AGPAT4: variants seen among roughly 807,000 people sequenced by gnomAD.
AGPAT4 encodes 1-acyl-sn-glycerol-3-phosphate acyltransferase delta.
Under a neutral mutation model 48.0 loss-of-function variants are expected in AGPAT4, and 15 were observed. The ratio of observed to expected loss-of-function variants is 0.31; its 90% confidence interval spans 0.21 to 0.48. AGPAT4 has a LOEUF of 0.48. AGPAT4 is among the 20% of genes least tolerant of loss of function. The probability of loss-of-function intolerance (pLI) is 0.99; values close to 1 mark genes in which losing one functional copy is unlikely to be tolerated. For missense variants in AGPAT4, 314 were observed against 482.5 expected, an observed-to-expected ratio of 0.65 and a Z score of 3.27; for synonymous variants, 178 against 198.7, an observed-to-expected ratio of 0.90 and a Z score of 0.88.
At position 161,226,264 on chromosome 6, in the gene AGPAT4, A is replaced by G. The variant is rs1781979786; in HGVS notation, c.178+5772T>C. Among the ~76,000 whole-genome samples, 1 of 152,192 alleles carries G rather than the reference A, an allele frequency of 6.6e-6. No homozygotes were observed. The highest frequency in any genetic ancestry group is 1.5e-5 in the Non-Finnish European group (1 of 68,032). ...ACATCTTGGAGCTGAGTAACTACCT[A>G]TCAGGACAAGTGAAGGAGTCAAAAC... On this transcript the variant is annotated intron_variant, in intron 2 of 8. Transcript: ENST00000320285. This position sits in a 1 kb window ranked among gnomAD's most constrained non-coding sequence, Gnocchi z 6.3.
At chr6:161,230,983 G>C (rs1782108776) in intron 2 of AGPAT4, among the ~76,000 whole-genome samples, 1 of 152,148 alleles carries the variant, frequency 6.6e-6, no homozygotes, top group African/African-American at 2.4e-5. Flanking sequence ...TAACAAATAA[G>C]ACTGGATAAG....
chr6:161,258,219 G>A (rs532596928), intron 1 of AGPAT4, among the ~76,000 whole-genome samples: 5 of 152,236 alleles, frequency 3.3e-5, no homozygotes, highest in African/African-American at 4.8e-5. Flanking sequence ...AAAACTCTAC[G>A]TCCATTGTCT....
Position 161,136,470 on chromosome 6 carries a change from C to G in AGPAT4, c.*70G>C. Reference sequence around the variant, plus strand: ...GCTCACCCAGCCTTTGTCACCGTGTCCCACTAAGGAGGATATGCAGAGGCC... The same window carrying G: ...GCTCACCCAGCCTTTGTCACCGTGTGCCACTAAGGAGGATATGCAGAGGCC... On this transcript the variant is annotated 3_prime_UTR_variant, in exon 9 of 9. Transcript: ENST00000320285. 1 of 1,401,200 alleles carries G rather than the reference C, an allele frequency of 7.1e-7. No individual in the cohort carries two copies. Among genetic ancestry groups the G allele is most frequent in the Non-Finnish European group, 1.0e-6 (1 of 992,442 alleles). 86.8% of individuals were successfully genotyped at this position (1,401,200 alleles called of 1,614,324 possible).
chr6:161,206,001 C>T lies in AGPAT4; in HGVS notation c.178+26035G>A, dbSNP rs549920899. Reference sequence around the variant, plus strand: ...AGAAGGCAGACCAGCTAGGGCACACCTCGGGATCTGAGGAACGACATGGTG... The same window carrying T: ...AGAAGGCAGACCAGCTAGGGCACACTTCGGGATCTGAGGAACGACATGGTG... On this transcript the variant is annotated intron_variant, in intron 2 of 8. Transcript: ENST00000320285. This position sits in a 1 kb window ranked among gnomAD's most constrained non-coding sequence, Gnocchi z 4.8. 2.4e-4 allele frequency among the ~76,000 whole-genome samples: 37 copies of T among 152,172 alleles called. No homozygotes were observed. The highest frequency in any genetic ancestry group is 8.5e-4 in the Admixed American group (13 of 15,278).
At position 161,192,225 on chromosome 6, in the gene AGPAT4, A is replaced by G. The variant is rs1467356151; in HGVS notation, c.179-25808T>C. The stretch of plus-strand genomic sequence containing the variant: ...GAGTGCAGTGGCACAATCTCAGCTC[A>G]CTGCAACCTCTGCCTCCCAGGTTTA... On this transcript the variant is annotated intron_variant, in intron 2 of 8. Coordinates refer to ENST00000320285, the MANE Select transcript of AGPAT4 (RefSeq NM_020133.3). 2.2e-5 allele frequency among the ~76,000 whole-genome samples: 3 copies of G among 134,544 alleles called. No individual in the cohort carries two copies. The Admixed American group carries it at 2.8e-4, about 12-fold the overall frequency. The allele number at this position is 134,544 out of a possible 152,430, so 88.3% of individuals were successfully genotyped here. A position where few individuals can be genotyped will look rare whatever the true frequency, so the allele number is the denominator to read the frequency against.
rs1173746304 is a variant in AGPAT4 at position 161,229,476 on chromosome 6, T to G, written c.178+2560A>C. Among the ~76,000 whole-genome samples the G allele has an allele frequency of 6.6e-6, 1 of 152,058 alleles. No individual in the cohort carries two copies. Among genetic ancestry groups the G allele is most frequent in the Non-Finnish European group, 1.5e-5 (1 of 68,004 alleles). ...TGGCCCAGCAAGGCTTCCTAAACAC[T>G]CTTTTTACATGGCCTTGGTTACTGT... On this transcript the variant is annotated intron_variant, in intron 2 of 8. Coordinates refer to ENST00000320285, the MANE Select transcript of AGPAT4 (RefSeq NM_020133.3). This position sits in a 1 kb window ranked among gnomAD's most constrained non-coding sequence, Gnocchi z 6.0.
At position 161,166,387 on chromosome 6, in the gene AGPAT4, C is replaced by T. The variant is rs200080197; in HGVS notation, c.209G>A (p.Gly70Asp). Residue 70 changes from glycine (G) to aspartate (D), a missense_variant, in exon 3 of 9, where the codon GGC (glycine) becomes GAC (aspartate). Coordinates refer to ENST00000320285, the MANE Select transcript of AGPAT4 (RefSeq NM_020133.3). The surrounding 1 kb of genome is among the most constrained non-coding windows in gnomAD (Gnocchi z 6.7). The part of the protein sequence containing the change: ...QLVMLLEWWS[G>D]TECTIFTDPR... Reference sequence around the variant, plus strand: ...GTCCGTGAAGATGGTGCATTCCGTGCCCGACCACCACTCCAGCAGCATCAC... The same window carrying T: ...GTCCGTGAAGATGGTGCATTCCGTGTCCGACCACCACTCCAGCAGCATCAC... The T allele has an allele frequency of 1.2e-6, 2 of 1,611,686 alleles. No homozygotes were observed. The highest frequency in any genetic ancestry group is 1.7e-6 in the Non-Finnish European group (2 of 1,178,730).
chr6:161,160,630 C>A (rs1396239818), intron 3 of AGPAT4: 1 of 222,558 alleles, frequency 4.5e-6, no homozygotes, highest in Non-Finnish European at 9.2e-6. Context: ...AGAAGAGGAC[C>A]GTGCAGGCTT....
At chr6:161,210,150 G>A (rs1321282561) in intron 2 of AGPAT4, among the ~76,000 whole-genome samples, 1 of 152,124 alleles carries the variant, frequency 6.6e-6, no homozygotes, top group Non-Finnish European at 1.5e-5. Context: ...AAGATAGGAA[G>A]TCCCTATCTA....
rs1396088108 is a variant in AGPAT4 at position 161,134,694 on chromosome 6, A to G, written c.*1846T>C. ...GACCCCTCCGAGAGACTGGCCCGAT[A>G]ATCCAGGCGCAGGTCCACTAGGGCG... On this transcript the variant is annotated 3_prime_UTR_variant, in exon 9 of 9. Coordinates refer to ENST00000320285, the MANE Select transcript of AGPAT4 (RefSeq NM_020133.3). 2 of 151,996 alleles carry G rather than the reference A, an allele frequency of 1.3e-5. No homozygotes were observed. Among genetic ancestry groups the G allele is most frequent in the African/African-American group, 2.4e-5 (1 of 41,376 alleles). The allele number at this position is 151,996 out of a possible 1,614,324, so 9.4% of individuals were successfully genotyped here. A position where few individuals can be genotyped will look rare whatever the true frequency, so the allele number is the denominator to read the frequency against.
intron 2 of AGPAT4, among the ~76,000 whole-genome samples, chr6:161,227,998 G>C (rs1582891756): frequency 2.0e-5 from 3 of 152,264 alleles, no homozygotes; most frequent in African/African-American, 7.2e-5. Flanking sequence ...ATGTAGCTGA[G>C]TGTGTTGAAG....
intron 1 of AGPAT4, among the ~76,000 whole-genome samples, chr6:161,265,874 G>A (rs976268296): frequency 3.9e-5 from 6 of 152,192 alleles, no homozygotes; most frequent in South Asian, 2.1e-4. Context: ...TTACGGCCAC[G>A]TGTCTACTTT....
chr6:161,192,883 G>T (rs1473084693), intron 2 of AGPAT4, among the ~76,000 whole-genome samples: 1 of 152,098 alleles, frequency 6.6e-6, no homozygotes, highest in African/African-American at 2.4e-5. Flanking sequence ...TAGACTTTAG[G>T]GTGTCGCTCT....
rs1779310395 is a variant in AGPAT4, at chr6:161,143,164, C to G, written c.843+3360G>C. On this transcript the variant is annotated intron_variant, in intron 7 of 8. Coordinates refer to ENST00000320285, the MANE Select transcript of AGPAT4 (RefSeq NM_020133.3). The surrounding 1 kb of genome is among the most constrained non-coding windows in gnomAD (Gnocchi z 4.7). ...CATAGCTCACAGTAACCTTCAACTT[C>G]TAGGCTCAAGCAATCCTCCCACTTC... 6.6e-6 allele frequency among the ~76,000 whole-genome samples: 1 copy of G among 152,212 alleles called. No homozygotes were observed. The highest frequency in any genetic ancestry group is 2.4e-5 in the African/African-American group (1 of 41,448).
Position 161,223,988 on chromosome 6 carries a change from C to A in AGPAT4, c.178+8048G>T, listed in dbSNP as rs1781901142. The stretch of plus-strand genomic sequence containing the variant: ...GAAGTGTTGTTCCTCTTAGCCTGCA[C>A]GGATCGTGATTCTTTTATTTTTCTC... On this transcript the variant is annotated intron_variant, in intron 2 of 8. Transcript: ENST00000320285. The surrounding 1 kb of genome is among the most constrained non-coding windows in gnomAD (Gnocchi z 6.3). Among the ~76,000 whole-genome samples, 1 of 152,200 alleles carries A rather than the reference C, an allele frequency of 6.6e-6. No individual in the cohort carries two copies.
chr6:161,207,333 C>T (rs1221553527), intron 2 of AGPAT4, among the ~76,000 whole-genome samples: 1 of 152,188 alleles, frequency 6.6e-6, no homozygotes, highest in Non-Finnish European at 1.5e-5. Context: ...CCCTGCCTAA[C>T]ACAAAGACAG....
chr6:161,137,520 C>T lies in AGPAT4; in HGVS notation c.1043-886G>A, dbSNP rs891872963. On this transcript the variant is annotated intron_variant, in intron 8 of 8. Coordinates refer to ENST00000320285, the MANE Select transcript of AGPAT4 (RefSeq NM_020133.3). This position sits in a 1 kb window ranked among gnomAD's most constrained non-coding sequence, Gnocchi z 6.1. ...CCAGCCAGCAGGAGGCACGCATCTCCCATGGGTCATTTACAAACTGGAGGG... is the reference window on the plus strand; with the variant it reads ...CCAGCCAGCAGGAGGCACGCATCTCTCATGGGTCATTTACAAACTGGAGGG... 3.3e-5 allele frequency among the ~76,000 whole-genome samples: 5 copies of T among 152,162 alleles called. No individual in the cohort carries two copies. Among genetic ancestry groups the T allele is most frequent in the African/African-American group, 4.8e-5 (2 of 41,436 alleles).
chr6:161,139,635 A>G lies in AGPAT4; in HGVS notation c.844-15T>C. The G allele has an allele frequency of 6.3e-7, 1 of 1,587,938 alleles. No homozygotes were observed. The highest frequency in any genetic ancestry group is 8.6e-7 in the Non-Finnish European group (1 of 1,162,282). ...TGAAAGGCATCCTGGGGGACAGGAA[A>G]GAGGACCCTCAGACGCCACACGGGG... On this transcript the variant is annotated splice_polypyrimidine_tract_variant and intron_variant, in intron 7 of 8. Coordinates refer to ENST00000320285, the MANE Select transcript of AGPAT4 (RefSeq NM_020133.3). This position sits in a 1 kb window ranked among gnomAD's most constrained non-coding sequence, Gnocchi z 9.1.
At chr6:161,163,079 C>G (rs1779981994) in intron 3 of AGPAT4, among the ~76,000 whole-genome samples, 1 of 152,254 alleles carries the variant, frequency 6.6e-6, no homozygotes, top group Admixed American at 6.5e-5. Context: ...TGGGGACAGG[C>G]ACTGCAATGA....
Sources: gnomAD v4.1 joint callset for allele counts (sites outside exome capture counted in the v4.1 genomes callset) on GRCh38, gnomAD v4.1.1 for gene constraint, Gnocchi (gnomAD v3.1) non-coding constraint, MANE v1.5 for transcripts, NCBI Gene and HGNC (gene_info 2026-07-23, HGNC 2026-07-21) for gene names.